TERT: variants seen among roughly 807,000 people sequenced by gnomAD.
TERT encodes the protein telomerase reverse transcriptase.
In TERT, 42 loss-of-function variants were observed where a neutral mutation model predicts 104.0. The observed-to-expected ratio is 0.40, with a 90% CI of 0.32 to 0.52. The LOEUF is 0.52. Among genes scored for constraint, TERT ranks in the 20% least tolerant of loss-of-function variants. TERT has a pLI of 0.43. For missense variants in TERT, 1,101 were observed against 1,610.3 expected (o/e 0.68, Z 5.41); for synonymous variants, 781 against 725.6 (o/e 1.08, Z -1.23).
At chr5:1,272,559 GC>G in intron 6 of TERT, among the ~76,000 whole-genome samples, 1 of 101,084 alleles carries the variant, frequency 9.9e-6, no homozygotes, top group East Asian at 2.4e-4. Context: ...CCCCACGACC[GC>G]CATCCACAGT....
chr5:1,257,919 T>C lies in TERT; in HGVS notation c.3032+679A>G, dbSNP rs1747868499. Among the ~76,000 whole-genome samples, 2 of 152,194 alleles carry C rather than the reference T, an allele frequency of 1.3e-5. No homozygotes were observed. Among genetic ancestry groups the C allele is most frequent in the Non-Finnish European group, 2.9e-5 (2 of 68,024 alleles). ...CTGTTGAGGTGGAGGCCCGGGCCTG[T>C]GGTGCCCGACTGCCCTTTGGTACAG... On this transcript the variant is annotated intron_variant, in intron 13 of 15. Transcript: ENST00000310581. The surrounding 1 kb of genome is among the most constrained non-coding windows in gnomAD (Gnocchi z 5.6).
chr5:1,282,521 A>C lies in TERT; in HGVS notation c.1677T>G (p.Ser559=), dbSNP rs752927236. Residue 559 remains serine, a synonymous_variant, in exon 3 of 16, where the codon TCT becomes TCG. Coordinates refer to ENST00000310581, the MANE Select transcript of TERT (RefSeq NM_198253.3). ...MSVYVVELLR[S]FFYVTETTFQ... ...ACGTGGTCTCCGTGACATAAAAGAA[A>C]GACCTGAGCAGCTCGACGACGTACA... The C allele has an allele frequency of 4.3e-6, 7 of 1,614,046 alleles. No individual in the cohort carries two copies. The South Asian group carries it at 7.7e-5, about 18-fold the overall frequency.
At position 1,294,140 on chromosome 5, in the gene TERT, G is replaced by A. The variant is rs1174718400; in HGVS notation, c.746C>T (p.Thr249Met). Residue 249 changes from threonine (T) to methionine (M), a missense_variant, in exon 2 of 16, where the codon ACG (threonine) becomes ATG (methionine). This residue lies in a region of TERT where 504 missense variants were observed against 544.6 expected (regional missense o/e 0.93). Coordinates refer to ENST00000310581, the MANE Select transcript of TERT (RefSeq NM_198253.3). ...RRGAAPEPERTPVGQGSWAHP... is the reference protein window; with the variant it reads ...RRGAAPEPERMPVGQGSWAHP... ...GGCCCAGGACCCCTGCCCAACGGGC[G>A]TCCGCTCCGGCTCAGGGGCAGCGCC... is the stretch of plus-strand genomic sequence containing the variant. 3 of 1,581,138 alleles carry A rather than the reference G, an allele frequency of 1.9e-6. No individual in the cohort carries two copies. Among genetic ancestry groups the A allele is most frequent in the African/African-American group, 1.3e-5 (1 of 74,112 alleles).
In TERT at chr5:1,257,397, G is replaced by A. The variant is rs1036318836; in HGVS notation, c.3032+1201C>T. Among the ~76,000 whole-genome samples, 5 of 152,180 alleles carry A rather than the reference G, an allele frequency of 3.3e-5. No individual in the cohort carries two copies. The highest frequency in any genetic ancestry group is 1.2e-4 in the African/African-American group (5 of 41,452). ...GACCCTGGGGTCAACCACAGTGTCAGACACCTCCAGTCCTCAGTGGCACCT... is the reference window on the plus strand; with the variant it reads ...GACCCTGGGGTCAACCACAGTGTCAAACACCTCCAGTCCTCAGTGGCACCT... On this transcript the variant is annotated intron_variant, in intron 13 of 15. Transcript: ENST00000310581. The surrounding 1 kb of genome is among the most constrained non-coding windows in gnomAD (Gnocchi z 5.6).
rs755084830 is a variant in TERT, at chr5:1,288,697, G to C, written c.1573+4616C>G. 6.6e-6 allele frequency among the ~76,000 whole-genome samples: 1 copy of C among 152,270 alleles called. No individual in the cohort carries two copies. Among genetic ancestry groups the C allele is most frequent in the African/African-American group, 2.4e-5 (1 of 41,552 alleles). ...TTCAGGGCACAGAGAACCCTTTCTG[G>C]GATGTCTCCAGCAACACGTGGCAGC... is the stretch of plus-strand genomic sequence containing the variant. On this transcript the variant is annotated intron_variant, in intron 2 of 15. Coordinates refer to ENST00000310581, the MANE Select transcript of TERT (RefSeq NM_198253.3). This position sits in a 1 kb window ranked among gnomAD's most constrained non-coding sequence, Gnocchi z 5.3.
Position 1,269,693 on chromosome 5 carries a change from T to C in TERT, c.2469-1060A>G, listed in dbSNP as rs558876937. 2.6e-5 allele frequency among the ~76,000 whole-genome samples: 4 copies of C among 152,038 alleles called. No individual in the cohort carries two copies. The East Asian group carries it at 7.7e-4, about 29-fold the overall frequency. On this transcript the variant is annotated intron_variant, in intron 8 of 15. Transcript: ENST00000310581. The surrounding 1 kb of genome is among the most constrained non-coding windows in gnomAD (Gnocchi z 9.0). ...CAGTGATGGGCAAGAGGACTGCACT[T>C]TTTGCACAGAAGCACACGCACCAAC...
At position 1,294,889 on chromosome 5, in the gene TERT, TG is replaced by T; in HGVS notation, c.100del (p.Gln34ArgfsTer44). The part of the protein sequence containing the change: ...LATFVRRLGP[Q>X]GWRLVQRGDP... ...CCCGCGCTGCACCAGCCGCCAGCCCTGGGGCCCCAGGCGCCGCACGAACGTG... is the reference window on the plus strand; with the variant it reads ...CCCGCGCTGCACCAGCCGCCAGCCCTGGGCCCCAGGCGCCGCACGAACGTG... On this transcript the variant is annotated frameshift_variant, in exon 1 of 16. Transcript: ENST00000310581. LOFTEE classifies it high-confidence loss of function. 1 of 1,436,408 alleles carries T rather than the reference TG, an allele frequency of 7.0e-7. No individual in the cohort carries two copies. Among genetic ancestry groups the T allele is most frequent in the Non-Finnish European group, 9.1e-7 (1 of 1,100,116 alleles). 89.0% of individuals were successfully genotyped at this position (1,436,408 alleles called of 1,614,324 possible).
rs768398955 is a variant in TERT at position 1,282,594 on chromosome 5, C to T, written c.1604G>A (p.Arg535His). 3.0e-5 allele frequency: 48 copies of T among 1,613,976 alleles called. No individual in the cohort carries two copies. The highest frequency in any genetic ancestry group is 3.6e-5 in the Non-Finnish European group (43 of 1,180,028). Residue 535 changes from arginine to histidine, a missense_variant, in exon 3 of 16, where the codon CGT becomes CAT. By Grantham distance (29) the Arg-to-His change is conservative. Coordinates refer to ENST00000310581, the MANE Select transcript of TERT (RefSeq NM_198253.3). ...CTTGGCCAGGATCTCCTCACGCAGA[C>T]GGTGCTCTGCGGCCGGAACACAGCC... Reference protein sequence around the residue: ...GVGCVPAAEHRLREEILAKFL... With the variant: ...GVGCVPAAEHHLREEILAKFL...
At chr5:1,285,450 G>A (rs552173643) in intron 2 of TERT, among the ~76,000 whole-genome samples, 1 of 152,120 alleles carries the variant, frequency 6.6e-6, no homozygotes, top group Non-Finnish European at 1.5e-5. Context: ...TGTGAGTGAT[G>A]CTCCCACCAA....
At position 1,279,131 on chromosome 5, in the gene TERT, G is replaced by A. The variant is rs544875845; in HGVS notation, c.2130+160C>T. On this transcript the variant is annotated intron_variant, in intron 5 of 15. Coordinates refer to ENST00000310581, the MANE Select transcript of TERT (RefSeq NM_198253.3). ...CCATGTGCTGCAGGAAAGGCTGAAG[G>A]CCTCCACCCTAGGTGCCAGGTGTGT... 2.0e-5 allele frequency among the ~76,000 whole-genome samples: 3 copies of A among 152,312 alleles called. No individual in the cohort carries two copies. The South Asian group carries it at 6.2e-4, about 32-fold the overall frequency.
At chr5:1,289,374 G>A (rs1579589888) in intron 2 of TERT, among the ~76,000 whole-genome samples, 1 of 142,338 alleles carries the variant, frequency 7.0e-6, no homozygotes. Flanking sequence ...GGACACCCGG[G>A]GACGGGGCCT....
At chr5:1,291,562 G>T (rs56355830) in intron 2 of TERT, among the ~76,000 whole-genome samples, 1 of 17,424 alleles carries the variant, frequency 5.7e-5, no homozygotes, top group African/African-American at 2.2e-4. Flanking sequence ...CCCGGGGACC[G>T]CGCCTCACTC....
chr5:1,260,806 A>G (rs998314591), intron 11 of TERT, among the ~76,000 whole-genome samples: 2 of 152,258 alleles, frequency 1.3e-5, no homozygotes, highest in Non-Finnish European at 2.9e-5. Context: ...AAACTCCACC[A>G]GGACCTGGCT....
chr5:1,294,105 T>A lies in TERT; in HGVS notation c.781A>T (p.Arg261Trp), dbSNP rs1554042983. The stretch of plus-strand genomic sequence containing the variant: ...CCACGGTCACTCGGTCCACGCGTCC[T>A]GCCCGGGTGGGCCCAGGACCCCTGC... ...VGQGSWAHPG[R>W]TRGPSDRGFC... The change falls in exon 2 of 16, where the codon AGG (arginine) becomes TGG (tryptophan). Residue 261 changes from arginine (R) to tryptophan (W), a missense_variant. Coordinates refer to ENST00000310581, the MANE Select transcript of TERT (RefSeq NM_198253.3). 6.3e-7 allele frequency: 1 copy of A among 1,586,794 alleles called. No homozygotes were observed. Among genetic ancestry groups the A allele is most frequent in the South Asian group, 1.1e-5 (1 of 88,070 alleles).
rs35440658 is a variant in TERT at position 1,270,432 on chromosome 5, G to A, written c.2468+687C>T. Among the ~76,000 whole-genome samples, 2,552 of 152,236 alleles carry A rather than the reference G, an allele frequency of 0.017. 82 individuals carry two copies. The highest frequency in any genetic ancestry group is 0.058 in the African/African-American group (2,421 of 41,524). On this transcript the variant is annotated intron_variant, in intron 8 of 15. Coordinates refer to ENST00000310581, the MANE Select transcript of TERT (RefSeq NM_198253.3). The surrounding 1 kb of genome is among the most constrained non-coding windows in gnomAD (Gnocchi z 8.3). ...ACTCTCCCCAGGCACACACAGGGTCGCAGGCAGATGCCTGCCGGGAGGTGT... is the reference window on the plus strand; with the variant it reads ...ACTCTCCCCAGGCACACACAGGGTCACAGGCAGATGCCTGCCGGGAGGTGT...
chr5:1,273,749 G>A (rs867610098), intron 6 of TERT, among the ~76,000 whole-genome samples: 1 of 52,208 alleles, frequency 1.9e-5, no homozygotes, highest in Non-Finnish European at 3.0e-5. Context: ...CAGACCCCAC[G>A]ACCGCCATCC....
rs151121796 is a variant in TERT, at chr5:1,280,193, C to T, written c.1915G>A (p.Val639Ile). 23 of 1,613,970 alleles carry T rather than the reference C, an allele frequency of 1.4e-5. No individual in the cohort carries two copies. The highest frequency in any genetic ancestry group is 1.8e-5 in the Non-Finnish European group (21 of 1,180,044). ...GLRPIVNMDY[V>I]VGARTFRREK... ...CTGCGGAACGTTCTGGCTCCCACGA[C>T]GTAGTCCATGTTCACAATCGGCCGC... Residue 639 changes from valine (V) to isoleucine (I), a missense_variant, in exon 4 of 16, where the codon GTC (valine) becomes ATC (isoleucine). Physicochemically the swap from Val to Ile is conservative, Grantham distance 29 (BLOSUM62 3). Transcript: ENST00000310581.
intron 6 of TERT, among the ~76,000 whole-genome samples, chr5:1,276,452 C>T (rs1410392610): frequency 1.4e-5 from 2 of 146,708 alleles, no homozygotes; most frequent in African/African-American, 2.5e-5. Context: ...ATTCACATAT[C>T]CCCACCTACC....
Position 1,268,585 on chromosome 5 carries a change from C to T in TERT, c.2517G>A (p.Thr839=), listed in dbSNP as rs140124989. The T allele has an allele frequency of 2.3e-3, 3,755 of 1,613,422 alleles. 16 individuals carry two copies. The highest frequency in any genetic ancestry group is 7.8e-3 in the South Asian group (706 of 91,084). The change falls in exon 9 of 16, where the codon ACG becomes ACA. Residue 839 remains threonine, a synonymous_variant. Transcript: ENST00000310581. This position sits in a 1 kb window ranked among gnomAD's most constrained non-coding sequence, Gnocchi z 5.5. ...QGIPQGSILS[T]LLCSLCYGDM... ...CGCCGTAGCACAGGCTGCAGAGCAG[C>T]GTGGAGAGGATGGAGCCCTGCGGGA...
Sources: allele counts gnomAD v4.1 joint callset (sites outside exome capture counted in the v4.1 genomes callset), GRCh38; gene constraint gnomAD v4.1.1; regional missense constraint gnomAD v4.1.1; non-coding constraint Gnocchi (gnomAD v3.1); transcripts MANE v1.5; gene names NCBI Gene and HGNC (gene_info 2026-07-23, HGNC 2026-07-21).